CELSR2: variants seen among roughly 807,000 people sequenced by gnomAD.
The protein encoded by CELSR2 is EGF-like protein 2.
CELSR2 carries 81 observed loss-of-function variants against 251.6 expected under a neutral mutation model. The observed-to-expected ratio is 0.32, with a 90% CI of 0.27 to 0.39. The LOEUF (loss-of-function observed/expected upper bound fraction) is 0.39, where lower values mean the gene tolerates loss of function less well. CELSR2 is among the 10% of genes least tolerant of loss of function. The probability of loss-of-function intolerance (pLI) is 1.00; values close to 1 mark genes in which losing one functional copy is unlikely to be tolerated. For missense variants in CELSR2, 3,365 were observed against 3,947.7 expected (o/e 0.85, Z 3.96); for synonymous variants, 1,721 against 1,670.5 (o/e 1.03, Z -0.74).
chr1:109,261,778 G>T lies in CELSR2; in HGVS notation c.4298-30G>T. On this transcript the variant is annotated intron_variant, in intron 4 of 33. Coordinates refer to ENST00000271332, the MANE Select transcript of CELSR2 (RefSeq NM_001408.3). The surrounding 1 kb of genome is among the most constrained non-coding windows in gnomAD (Gnocchi z 4.8). ...CCCTGCCATTCCTAGCCCTCGTCAG[G>T]CATTCCAGCTCACCTGGTCCTTTCC... is the stretch of plus-strand genomic sequence containing the variant. The T allele has an allele frequency of 6.4e-7, 1 of 1,574,020 alleles. No homozygotes were observed. Among genetic ancestry groups the T allele is most frequent in the Non-Finnish European group, 8.6e-7 (1 of 1,156,308 alleles).
chr1:109,260,170 TGGGGGGGGTTGGGAG>T (rs1557730807), intron 2 of CELSR2, among the ~76,000 whole-genome samples: 1 of 2,980 alleles, frequency 3.4e-4, no homozygotes, highest in African/African-American at 1.4e-3. Flanking sequence ...AGGAGGATGG[TGGGGGGGGTTGGGAG>T]GGGGGGGGTT....
Position 109,262,419 on chromosome 1 carries a change from C to G in CELSR2, c.4519C>G (p.Gln1507Glu), listed in dbSNP as rs1484902555. The change falls in exon 6 of 34, where the codon CAG becomes GAG. Residue 1507 changes from glutamine (Q) to glutamate (E), a missense_variant. Coordinates refer to ENST00000271332, the MANE Select transcript of CELSR2 (RefSeq NM_001408.3). ...SVLGNYSCAAQGTQGGSKKSL... is the reference protein window; with the variant it reads ...SVLGNYSCAAEGTQGGSKKSL... ...CCTGGGCAACTACTCCTGTGCTGCC[C>G]AGGGCACCCAGGGTGGCAGCAAGAA... The G allele has an allele frequency of 6.2e-7, 1 of 1,614,016 alleles. No homozygotes were observed.
chr1:109,261,773 G>A lies in CELSR2; in HGVS notation c.4298-35G>A, dbSNP rs914355070. On this transcript the variant is annotated intron_variant, in intron 4 of 33. Coordinates refer to ENST00000271332, the MANE Select transcript of CELSR2 (RefSeq NM_001408.3). The surrounding 1 kb of genome is among the most constrained non-coding windows in gnomAD (Gnocchi z 4.8). ...CCAAACCCTGCCATTCCTAGCCCTC[G>A]TCAGGCATTCCAGCTCACCTGGTCC... 6.4e-6 allele frequency: 10 copies of A among 1,571,308 alleles called. No individual in the cohort carries two copies. Among genetic ancestry groups the A allele is most frequent in the East Asian group, 4.7e-5 (2 of 42,762 alleles).
At position 109,261,271 on chromosome 1, in the gene CELSR2, G is replaced by C. The variant is rs780576887; in HGVS notation, c.4181+7G>C. 1.9e-6 allele frequency: 3 copies of C among 1,611,580 alleles called. No individual in the cohort carries two copies. The highest frequency in any genetic ancestry group is 2.5e-6 in the Non-Finnish European group (3 of 1,179,210). The stretch of plus-strand genomic sequence containing the variant: ...ACTTCACCCTGGCCCTCTCGTGAGT[G>C]GCTGGGCACTGGGGGTGGGGAGTGG... On this transcript the variant is annotated splice_region_variant and intron_variant, in intron 3 of 33. Transcript: ENST00000271332. This position sits in a 1 kb window ranked among gnomAD's most constrained non-coding sequence, Gnocchi z 4.8.
chr1:109,267,275 C>T (rs995873036), intron 15 of CELSR2, among the ~76,000 whole-genome samples: 3 of 152,066 alleles, frequency 2.0e-5, no homozygotes, highest in South Asian at 2.1e-4. Flanking sequence ...CAGGAAGTGG[C>T]GGAGAGCACA....
Position 109,251,113 on chromosome 1 carries a change from G to T in CELSR2, c.1034G>T (p.Arg345Leu), listed in dbSNP as rs773624411. The T allele has an allele frequency of 6.2e-7, 1 of 1,613,190 alleles. No homozygotes were observed. The change falls in exon 1 of 34, where the codon CGC becomes CTC. Residue 345 changes from arginine to leucine, a missense_variant. Coordinates refer to ENST00000271332, the MANE Select transcript of CELSR2 (RefSeq NM_001408.3). The surrounding 1 kb of genome is among the most constrained non-coding windows in gnomAD (Gnocchi z 4.9). ...SPSEVFEIDP[R>L]SGVIRTRGPV... ...TCTGAAGTCTTTGAGATCGACCCTC[G>T]CTCTGGGGTGATCCGAACCCGTGGC...
In CELSR2 at chr1:109,250,485, C is replaced by T. The variant is rs2101228460; in HGVS notation, c.406C>T (p.Pro136Ser). The change falls in exon 1 of 34, where the codon CCG becomes TCG. Residue 136 changes from proline (P) to serine (S), a missense_variant. Pro to Ser is a moderately conservative substitution (Grantham distance 74). Transcript: ENST00000271332. This position sits in a 1 kb window ranked among gnomAD's most constrained non-coding sequence, Gnocchi z 4.4. Reference sequence around the variant, plus strand: ...CAAGCTCACACTGCCCGAGGAGCACCCGTGCTTAAAGGCTCCACGGCTCAG... The same window carrying T: ...CAAGCTCACACTGCCCGAGGAGCACTCGTGCTTAAAGGCTCCACGGCTCAG... ...QGKLTLPEEH[P>S]CLKAPRLRCQ... The T allele has an allele frequency of 1.9e-6, 3 of 1,613,766 alleles. No homozygotes were observed. Among genetic ancestry groups the T allele is most frequent in the Non-Finnish European group, 2.5e-6 (3 of 1,180,024 alleles).
Position 109,272,303 on chromosome 1 carries a change from C to T in CELSR2, c.7952C>T (p.Ala2651Val). Residue 2651 changes from alanine to valine, a missense_variant, in exon 29 of 34, where the codon GCA becomes GTA. Physicochemically the swap from Ala to Val is moderately conservative, Grantham distance 64. Coordinates refer to ENST00000271332, the MANE Select transcript of CELSR2 (RefSeq NM_001408.3). Reference sequence around the variant, plus strand: ...TCCTACAACTGCCCCAGCCCCTACGCAGATGGGCGGCTGTACCAGCCCTAC... The same window carrying T: ...TCCTACAACTGCCCCAGCCCCTACGTAGATGGGCGGCTGTACCAGCCCTAC... ...TSSYNCPSPY[A>V]DGRLYQPYGD... 6.2e-7 allele frequency: 1 copy of T among 1,608,124 alleles called. No homozygotes were observed.
chr1:109,253,608 C>T (rs976878088), intron 1 of CELSR2, among the ~76,000 whole-genome samples: 38 of 152,350 alleles, frequency 2.5e-4, no homozygotes, highest in African/African-American at 8.7e-4. Context: ...GGCTGGGCTG[C>T]TTCGGTTGGC....
Position 109,250,885 on chromosome 1 carries a change from G to A in CELSR2, c.806G>A (p.Arg269Gln), listed in dbSNP as rs781644562. 4.3e-6 allele frequency: 7 copies of A among 1,613,946 alleles called. No homozygotes were observed. The highest frequency in any genetic ancestry group is 5.1e-6 in the Non-Finnish European group (6 of 1,180,042). ...GCGCAGGACCACGGCATGCCCCGAC[G>A]AAGTGCCCTGGCTACACTCACCATC... ...VTAQDHGMPR[R>Q]SALATLTILV... The change falls in exon 1 of 34, where the codon CGA (arginine) becomes CAA (glutamine). Residue 269 changes from arginine (R) to glutamine (Q), a missense_variant. Transcript: ENST00000271332. This position sits in a 1 kb window ranked among gnomAD's most constrained non-coding sequence, Gnocchi z 4.4.
intron 15 of CELSR2, 36 bp from the exon 16 acceptor site, chr1:109,267,512 T>TC: frequency 1.9e-6 from 3 of 1,593,840 alleles, no homozygotes; most frequent in Non-Finnish European, 2.6e-6. Flanking sequence ...CCTGTGTGTC[T>TC]CCCTGAGGCC....
In CELSR2 at chr1:109,258,670, G is replaced by A. The variant is rs1429744375; in HGVS notation, c.3549G>A (p.Val1183=). 1 of 1,548,370 alleles carries A rather than the reference G, an allele frequency of 6.5e-7. No individual in the cohort carries two copies. Among genetic ancestry groups the A allele is most frequent in the Admixed American group, 2.0e-5 (1 of 50,816 alleles). ...TDAPGGHILN[V]SLSVGQPPGP... ...CCCCCGGGGGCCACATCCTCAACGT[G>A]AGCCTGTCGGTGGGCCAGCCGCCAG... Residue 1183 remains valine (V), a synonymous_variant, in exon 2 of 34, where the codon GTG becomes GTA. Coordinates refer to ENST00000271332, the MANE Select transcript of CELSR2 (RefSeq NM_001408.3).
Position 109,269,457 on chromosome 1 carries a change from G to T in CELSR2, c.6846G>T (p.Val2282=). The part of the protein sequence containing the change: ...VPKRPIINTP[V]VSISVHDDEE... ...AACGCCCGATCATCAACACACCCGT[G>T]GTGAGCATCAGCGTCCATGATGATG... The change falls in exon 21 of 34, where the codon GTG becomes GTT. Residue 2282 remains valine (V), a synonymous_variant. Transcript: ENST00000271332. The surrounding 1 kb of genome is among the most constrained non-coding windows in gnomAD (Gnocchi z 6.4). The T allele has an allele frequency of 6.2e-7, 1 of 1,614,028 alleles. No homozygotes were observed. The highest frequency in any genetic ancestry group is 8.5e-7 in the Non-Finnish European group (1 of 1,179,998).
rs373566231 is a variant in CELSR2, at chr1:109,251,338, G to C, written c.1259G>C (p.Arg420Pro). ...GTGACTCCAGGGGCCCCAGTACTCC[G>C]AGTCACAGCCTCGGATCGAGACAAG... ...EDVTPGAPVL[R>P]VTASDRDKGS... is the part of the protein sequence containing the mutation. Residue 420 changes from arginine to proline, a missense_variant, in exon 1 of 34, where the codon CGA becomes CCA. By Grantham distance (103) the Arg-to-Pro change is moderately radical. Transcript: ENST00000271332. The surrounding 1 kb of genome is among the most constrained non-coding windows in gnomAD (Gnocchi z 4.9). 8 of 1,614,022 alleles carry C rather than the reference G, an allele frequency of 5.0e-6. No homozygotes were observed. The highest frequency in any genetic ancestry group is 5.9e-6 in the Non-Finnish European group (7 of 1,180,028).
rs1655628745 is a variant in CELSR2, at chr1:109,249,976, G to A, written c.-104G>A. On this transcript the variant is annotated 5_prime_UTR_variant, in exon 1 of 34. Transcript: ENST00000271332. ...CGCGGGGCGCACGGGAGGCCCCCGGGGACTGGCGCCCTGGCCCGGGCATGA... is the reference window on the plus strand; with the variant it reads ...CGCGGGGCGCACGGGAGGCCCCCGGAGACTGGCGCCCTGGCCCGGGCATGA... 9.0e-7 allele frequency: 1 copy of A among 1,105,680 alleles called. No individual in the cohort carries two copies. The highest frequency in any genetic ancestry group is 1.1e-6 in the Non-Finnish European group (1 of 887,724). The allele number at this position is 1,105,680 out of a possible 1,614,324, so 68.5% of individuals were successfully genotyped here.
At chr1:109,273,366 C>T (rs1402750179) in intron 32 of CELSR2, 30 bp downstream of exon 32, 2 of 1,606,766 alleles carry the variant, frequency 1.2e-6, no homozygotes, top group Non-Finnish European at 1.7e-6. Flanking sequence ...CTGCCGAGCT[C>T]CCCTAGTCAG....
intron 1 of CELSR2, 86 bp from the exon 2 acceptor site, chr1:109,258,346 G>A (rs1025311339): frequency 6.2e-6 from 6 of 968,176 alleles, no homozygotes; most frequent in Admixed American, 2.8e-5. Context: ...CAGTTGGAAA[G>A]GAGAGCCTTT....
intron 17 of CELSR2, 151 bp from the exon 18 acceptor site, chr1:109,268,430 G>A (rs142365730): frequency 1.7e-5 from 18 of 1,049,826 alleles, no homozygotes; most frequent in Admixed American, 1.5e-4. Flanking sequence ...TGGGCAGTGC[G>A]GTCCAGGAGC....
chr1:109,266,779 G>T (rs920283095), intron 15 of CELSR2, among the ~76,000 whole-genome samples: 9 of 149,322 alleles, frequency 6.0e-5, no homozygotes, highest in East Asian at 2.0e-4. Context: ...CAATGCAGTG[G>T]CATGATCTCG....
Sources: allele counts gnomAD v4.1 joint callset (sites outside exome capture counted in the v4.1 genomes callset), GRCh38; gene constraint gnomAD v4.1.1; non-coding constraint Gnocchi (gnomAD v3.1); transcripts MANE v1.5; gene names NCBI Gene and HGNC (gene_info 2026-07-23, HGNC 2026-07-21).